ARHGEF3: variants seen among roughly 807,000 people sequenced by gnomAD.
The protein encoded by ARHGEF3 is Rho guanine nucleotide exchange factor 3, also known as 59.8 kDA protein.
ARHGEF3 carries 28 observed loss-of-function variants against 63.2 expected under a neutral mutation model. The observed-to-expected ratio is 0.44, with a 90% CI of 0.33 to 0.61. The LOEUF (loss-of-function observed/expected upper bound fraction) is 0.61, where lower values mean the gene tolerates loss of function less well. ARHGEF3 is among the 20% of genes least tolerant of loss of function. The pLI is 0.03. For missense variants in ARHGEF3, 533 were observed against 659.3 expected (o/e 0.81, Z 2.10); for synonymous variants, 266 against 254.2 (o/e 1.05, Z -0.44).
chr3:56,914,485 G>A (rs183016411), intron 3 of ARHGEF3, among the ~76,000 whole-genome samples: 5 of 152,272 alleles, frequency 3.3e-5, no homozygotes, highest in Admixed American at 2.0e-4. Context: ...AAATCTTTCA[G>A]CCTTGTAATA....
At position 57,056,257 on chromosome 3, in the gene ARHGEF3, C is replaced by T. The variant is rs531561994; in HGVS notation, c.-27-21081G>A. The stretch of plus-strand genomic sequence containing the variant: ...AAAAAATTAGCCAGGTGTGACAGCA[C>T]ACACCTGTAATTCCAGCTACTCGGG... On this transcript the variant is annotated intron_variant, in intron 1 of 12. Coordinates refer to the ARHGEF3 transcript ENST00000338458. Among the ~76,000 whole-genome samples, 18 of 151,968 alleles carry T rather than the reference C, an allele frequency of 1.2e-4. No homozygotes were observed. In the South Asian group the frequency reaches 2.7e-3, roughly 23 times the overall value.
At chr3:56,888,443 G>A (rs1394168038) in intron 3 of ARHGEF3, among the ~76,000 whole-genome samples, 3 of 152,164 alleles carry the variant, frequency 2.0e-5, no homozygotes, top group Non-Finnish European at 2.9e-5. Context: ...TCAATGCCAC[G>A]TGCCTATATG....
intron 3 of ARHGEF3, among the ~76,000 whole-genome samples, chr3:56,931,898 A>G (rs1037479162): frequency 3.3e-4 from 50 of 152,174 alleles, no homozygotes; most frequent in African/African-American, 1.2e-3. Flanking sequence ...CACAGTATCC[A>G]TTCTTATCAA....
chr3:56,874,364 A>G (rs1010340103), intron 4 of ARHGEF3, among the ~76,000 whole-genome samples: 1 of 152,194 alleles, frequency 6.6e-6, no homozygotes, highest in African/African-American at 2.4e-5. Context: ...TAATTCATCA[A>G]GGCCCCATGC....
At position 56,872,656 on chromosome 3, in the gene ARHGEF3, T is replaced by A. The variant is rs368287898; in HGVS notation, c.192+9636A>T. ...TCCCGAGTATCTGGGATTGCAGGCA[T>A]GCACCCCCAAGCCCAGCTAATTTTT... On this transcript the variant is annotated intron_variant, in intron 4 of 12. Transcript: ENST00000338458. Among the ~76,000 whole-genome samples the A allele has an allele frequency of 3.4e-4, 52 of 152,082 alleles. No homozygotes were observed. In the South Asian group the frequency reaches 0.011, roughly 31 times the overall value.
chr3:56,852,308 G>A (rs993303433), intron 4 of ARHGEF3, among the ~76,000 whole-genome samples: 4 of 152,074 alleles, frequency 2.6e-5, no homozygotes, highest in African/African-American at 9.7e-5. Flanking sequence ...ATTTTCCTTC[G>A]TTTTCTTGAT....
chr3:57,043,691 G>T (rs1188764177), intron 1 of ARHGEF3, among the ~76,000 whole-genome samples: 1 of 152,098 alleles, frequency 6.6e-6, no homozygotes. Context: ...TCTGGATAAA[G>T]AACACAGCAT....
intron 1 of ARHGEF3, among the ~76,000 whole-genome samples, chr3:57,069,450 T>C (rs1357603462): frequency 6.7e-6 from 1 of 150,132 alleles, no homozygotes; most frequent in Non-Finnish European, 1.5e-5. Context: ...CCCAGATGAG[T>C]TGAGGTATGA....
chr3:57,054,873 T>A (rs1204235532), intron 1 of ARHGEF3, among the ~76,000 whole-genome samples: 3 of 151,120 alleles, frequency 2.0e-5, no homozygotes, highest in Admixed American at 1.3e-4. Flanking sequence ...ATGATCTCAA[T>A]CTCCTGACCT....
At chr3:57,006,434 T>C (rs1249964519) in intron 2 of ARHGEF3, among the ~76,000 whole-genome samples, 1 of 152,124 alleles carries the variant, frequency 6.6e-6, no homozygotes, top group African/African-American at 2.4e-5. Flanking sequence ...GACAAGGAAC[T>C]CATTAGGCGG....
At chr3:56,869,214 G>A (rs1353712317) in intron 4 of ARHGEF3, among the ~76,000 whole-genome samples, 2 of 152,046 alleles carry the variant, frequency 1.3e-5, no homozygotes, top group Non-Finnish European at 2.9e-5. Flanking sequence ...TCAGTCTGTT[G>A]GGAATAAACC....
intron 2 of ARHGEF3, among the ~76,000 whole-genome samples, chr3:57,015,145 C>A (rs1477682292): frequency 1.3e-5 from 2 of 152,210 alleles, no homozygotes; most frequent in Non-Finnish European, 2.9e-5. Flanking sequence ...TGGTATACAG[C>A]CACGCTCATT....
chr3:56,855,544 G>A (rs777830467), intron 4 of ARHGEF3, among the ~76,000 whole-genome samples: 5 of 151,972 alleles, frequency 3.3e-5, no homozygotes, highest in African/African-American at 4.8e-5. Context: ...TTAGCTGGGC[G>A]TGGTGGCATG....
At chr3:56,867,128 T>A (rs555269236) in intron 4 of ARHGEF3, among the ~76,000 whole-genome samples, 1 of 152,314 alleles carries the variant, frequency 6.6e-6, no homozygotes, top group East Asian at 1.9e-4. Context: ...AAGGCAAATA[T>A]GTATGTAGAG....
At chr3:57,014,669 T>C (rs558726898) in intron 2 of ARHGEF3, among the ~76,000 whole-genome samples, 5 of 146,692 alleles carry the variant, frequency 3.4e-5, no homozygotes, top group Non-Finnish European at 7.5e-5. Flanking sequence ...AGCAAATATT[T>C]ATAAAGCTTG....
At chr3:57,049,764 G>C (rs2107297561) in intron 1 of ARHGEF3, among the ~76,000 whole-genome samples, 1 of 152,312 alleles carries the variant, frequency 6.6e-6, no homozygotes, top group Non-Finnish European at 1.5e-5. Context: ...TAGCTCTGGG[G>C]GAATGGAGGG....
At chr3:56,730,661 G>A (rs988912070) in intron 9 of ARHGEF3, among the ~76,000 whole-genome samples, 3 of 152,116 alleles carry the variant, frequency 2.0e-5, no homozygotes, top group African/African-American at 2.4e-5. Flanking sequence ...GACTATAGGC[G>A]TGAGCCACCG....
chr3:56,817,918 G>A (rs1357780333), intron 4 of ARHGEF3, among the ~76,000 whole-genome samples: 2 of 152,186 alleles, frequency 1.3e-5, no homozygotes, highest in Non-Finnish European at 2.9e-5. Context: ...ACGCATGGGG[G>A]ATCAAGTGGC....
chr3:57,066,778 C>A (rs988133735), intron 1 of ARHGEF3, among the ~76,000 whole-genome samples: 4 of 152,116 alleles, frequency 2.6e-5, no homozygotes, highest in Admixed American at 2.0e-4. Context: ...GGGCTTTATC[C>A]AATCAGCTAT....
Sources: gnomAD v4.1 joint callset for allele counts (sites outside exome capture counted in the v4.1 genomes callset) on GRCh38, gnomAD v4.1.1 for gene constraint, MANE v1.5 for transcripts, NCBI Gene and HGNC (gene_info 2026-07-23, HGNC 2026-07-21) for gene names.